Variants in ZNF532 observed in about 807,000 individuals in gnomAD.
ZNF532 encodes the protein zinc finger protein 532.
In ZNF532, 22 loss-of-function variants were observed where a neutral mutation model predicts 89.3. The observed-to-expected ratio is 0.25, with a 90% CI of 0.18 to 0.35. The LOEUF (loss-of-function observed/expected upper bound fraction) is 0.35, where lower values mean the gene tolerates loss of function less well. Ranked by LOEUF, ZNF532 falls within the 10% of genes least tolerant of loss-of-function variation. The probability of loss-of-function intolerance (pLI) is 1.00; values close to 1 mark genes in which losing one functional copy is unlikely to be tolerated. For synonymous variants in ZNF532, 606 were observed against 649.6 expected (o/e 0.93, Z 1.02); for missense variants, 1,132 against 1,643.4 (o/e 0.69, Z 5.38).
intron 7 of ZNF532, among the ~76,000 whole-genome samples, chr18:58,954,663 T>C (rs2064566926): frequency 1.4e-5 from 2 of 138,640 alleles, no homozygotes; most frequent in Non-Finnish European, 3.2e-5. Context: ...AATTGATACT[T>C]TTTTTTTTTT....
chr18:58,873,305 A>T (rs1281932190), intron 2 of ZNF532, among the ~76,000 whole-genome samples: 1 of 152,200 alleles, frequency 6.6e-6, no homozygotes, highest in Non-Finnish European at 1.5e-5. Flanking sequence ...CAGAGGCATG[A>T]GCCACTGCAC....
chr18:58,863,927 C>T (rs2056197173), upstream of ZNF532, among the ~76,000 whole-genome samples: 1 of 151,658 alleles, frequency 6.6e-6, no homozygotes, highest in African/African-American at 2.4e-5. Context: ...TGGGCCTGCC[C>T]GCAGTGGCCT....
At chr18:58,875,931 C>CTTTTTTTT (rs71173091) in intron 2 of ZNF532, among the ~76,000 whole-genome samples, 1 of 112,862 alleles carries the variant, frequency 8.9e-6, no homozygotes, top group Non-Finnish European at 1.7e-5. Flanking sequence ...ACTTGGGGAT[C>CTTTTTTTT]TTTTTTTTTT....
At chr18:58,937,806 G>T (rs1170437581) in intron 4 of ZNF532, among the ~76,000 whole-genome samples, 1 of 152,192 alleles carries the variant, frequency 6.6e-6, no homozygotes, top group East Asian at 1.9e-4. Flanking sequence ...CTGGCCCAGA[G>T]AGGAGCATTA....
rs370265128 is a variant in ZNF532 at position 58,897,541 on chromosome 18, A to T, written c.-17-20730A>T. 1.5e-4 allele frequency among the ~76,000 whole-genome samples: 23 copies of T among 152,360 alleles called. No homozygotes were observed. In the East Asian group the frequency reaches 4.0e-3, roughly 27 times the overall value. ...CACTAAATGCAACAACAACCTTAGG[A>T]TTAGTTATCATGACAGATTGGCATT... On this transcript the variant is annotated intron_variant, in intron 2 of 9. Transcript: ENST00000591808.
intron 2 of ZNF532, among the ~76,000 whole-genome samples, chr18:58,890,351 G>A (rs2058800052): frequency 6.6e-6 from 1 of 151,264 alleles, no homozygotes; most frequent in Admixed American, 6.6e-5. Context: ...GTTACAACTG[G>A]GTTTATCTAA....
intron 2 of ZNF532, among the ~76,000 whole-genome samples, chr18:58,869,272 G>A (rs369998107): frequency 2.6e-5 from 4 of 152,110 alleles, no homozygotes; most frequent in Admixed American, 1.3e-4. Context: ...GTTAAGACTC[G>A]CCGAGAAAGA....
chr18:58,867,057 C>A (rs768488600), intron 2 of ZNF532, among the ~76,000 whole-genome samples: 1 of 152,220 alleles, frequency 6.6e-6, no homozygotes, highest in African/African-American at 2.4e-5. Context: ...GCTGCTTCTG[C>A]GTTTCTGATG....
intron 7 of ZNF532, among the ~76,000 whole-genome samples, chr18:58,955,728 G>A (rs1306319560): frequency 6.6e-6 from 1 of 152,216 alleles, no homozygotes; most frequent in African/African-American, 2.4e-5. Context: ...GATATAAAAA[G>A]TAGTTACTTA....
chr18:58,915,226 C>T (rs1301756310), intron 2 of ZNF532, among the ~76,000 whole-genome samples: 2 of 152,190 alleles, frequency 1.3e-5, no homozygotes, highest in African/African-American at 2.4e-5. Context: ...TCAGACGACA[C>T]GATGCGCTTT....
At chr18:58,946,108 T>C (rs1471404442) in intron 5 of ZNF532, among the ~76,000 whole-genome samples, 1 of 152,118 alleles carries the variant, frequency 6.6e-6, no homozygotes, top group Admixed American at 6.5e-5. Context: ...GCAATAAAAA[T>C]ACATATACTA....
intron 2 of ZNF532, among the ~76,000 whole-genome samples, chr18:58,905,403 C>CTTT (rs11376624): frequency 2.1e-4 from 29 of 139,336 alleles, no homozygotes; most frequent in African/African-American, 7.0e-4. Flanking sequence ...TTTTTTCTTT[C>CTTT]TTTTTTTTTT....
chr18:58,892,886 A>C (rs2058996579), intron 2 of ZNF532, among the ~76,000 whole-genome samples: 2 of 151,846 alleles, frequency 1.3e-5, no homozygotes, highest in Non-Finnish European at 2.9e-5. Flanking sequence ...TTTCTGTAGT[A>C]CTCTGCAAAG....
At position 58,913,090 on chromosome 18, in the gene ZNF532, T is replaced by TA. The variant is rs2060381297; in HGVS notation, c.-17-5177dup. ...ATATGCAGTCGAGATTGAAGTGGGA[T>TA]AAAAGCGGCAGAAGATCAGTTGGAA... On this transcript the variant is annotated intron_variant, in intron 2 of 9. Coordinates refer to ENST00000591808, the MANE Select transcript of ZNF532 (RefSeq NM_001375912.1). Among the ~76,000 whole-genome samples the TA allele has an allele frequency of 4.6e-5, 7 of 152,288 alleles. 1 individual carries two copies. In the South Asian group the frequency reaches 1.5e-3, roughly 32 times the overall value.
intron 5 of ZNF532, 60 bp downstream of exon 5, chr18:58,939,681 G>A: frequency 6.7e-7 from 1 of 1,493,534 alleles, no homozygotes; most frequent in South Asian, 1.3e-5. Context: ...TAGAAGCAAG[G>A]TAGTAGTCGT....
chr18:58,934,378 C>A (rs1342656213), intron 3 of ZNF532, 55 bp from the exon 4 acceptor site: 11 of 1,497,018 alleles, frequency 7.3e-6, no homozygotes, highest in Non-Finnish European at 1.0e-5. Context: ...AGGTTCTTTG[C>A]ATATTAGAAA....
At chr18:58,901,306 G>C (rs538223652) in intron 2 of ZNF532, among the ~76,000 whole-genome samples, 1 of 152,148 alleles carries the variant, frequency 6.6e-6, no homozygotes, top group Non-Finnish European at 1.5e-5. Context: ...TGGCCAGGTT[G>C]GTCCTGAACG....
intron 2 of ZNF532, among the ~76,000 whole-genome samples, chr18:58,905,183 A>G (rs2059854010): frequency 6.6e-6 from 1 of 152,128 alleles, no homozygotes; most frequent in Non-Finnish European, 1.5e-5. Flanking sequence ...AAAAGTTGCT[A>G]CATCATTTTG....
intron 2 of ZNF532, among the ~76,000 whole-genome samples, chr18:58,912,136 G>A (rs2060321270): frequency 6.6e-6 from 1 of 152,150 alleles, no homozygotes; most frequent in African/African-American, 2.4e-5. Flanking sequence ...TCGTGACCTG[G>A]TTCGTGGCAT....
Sources: allele counts gnomAD v4.1 joint callset (sites outside exome capture counted in the v4.1 genomes callset), GRCh38; gene constraint gnomAD v4.1.1; transcripts MANE v1.5; gene names NCBI Gene and HGNC (gene_info 2026-07-23, HGNC 2026-07-21).